The following RBFOX1 variants were observed in gnomAD, a reference collection of about 807,000 sequenced individuals.
The protein encoded by RBFOX1 is RNA binding protein fox-1 homolog 1.
A neutral mutation model predicts 57.7 loss-of-function variants in RBFOX1; 8 were observed. That is an observed-to-expected ratio of 0.14 (90% CI 0.08 to 0.25). The LOEUF is 0.25. Among genes scored for constraint, RBFOX1 ranks in the 10% least tolerant of loss-of-function variants. The pLI is 1.00. For synonymous variants in RBFOX1, 326 were observed against 222.4 expected (o/e 1.47, Z -4.15); for missense variants, 611 against 548.5 (o/e 1.11, Z -1.14).
chr16:6,179,937 G>A (rs2097049278), intron 1 of RBFOX1, among the ~76,000 whole-genome samples: 1 of 152,190 alleles, frequency 6.6e-6, no homozygotes, highest in Admixed American at 6.5e-5. Context: ...GTCATGAAAG[G>A]GTCTTGACTT....
At chr16:6,122,943 A>T (rs1339673318) in intron 1 of RBFOX1, among the ~76,000 whole-genome samples, 2 of 143,450 alleles carry the variant, frequency 1.4e-5, no homozygotes, top group Middle Eastern at 3.6e-3. Context: ...AAAATAAAAC[A>T]ATTTTTCAGC....
At chr16:6,739,766 C>T (rs964413449) in intron 3 of RBFOX1, among the ~76,000 whole-genome samples, 69 of 151,864 alleles carry the variant, frequency 4.5e-4, no homozygotes, top group African/African-American at 1.6e-3. Context: ...AGTCTCGGCT[C>T]CTCGGGAGGC....
chr16:6,041,708 G>C (rs12448620), intron 1 of RBFOX1, among the ~76,000 whole-genome samples: 1 of 151,946 alleles, frequency 6.6e-6, no homozygotes, highest in African/African-American at 2.4e-5. Flanking sequence ...CTAAGGCTTA[G>C]ATTCAGGGGA....
chr16:6,815,738 C>G (rs2089928745), intron 3 of RBFOX1, among the ~76,000 whole-genome samples: 1 of 152,092 alleles, frequency 6.6e-6, no homozygotes, highest in African/African-American at 2.4e-5. Flanking sequence ...CTCTCTGGTC[C>G]CCAGCAAAAA....
At position 7,050,061 on chromosome 16, in the gene RBFOX1, A is replaced by G. The variant is rs139137427; in HGVS notation, c.-15-1996A>G. On this transcript the variant is annotated intron_variant, in intron 3 of 15. Transcript: ENST00000550418. ...AACATTTAATTTGTTCTCTGTCTCA[A>G]TGAATTTTCCCTACTTCATCTTTTA... Among the ~76,000 whole-genome samples, 426 of 152,100 alleles carry G rather than the reference A, an allele frequency of 2.8e-3. 3 individuals carry two copies. Among genetic ancestry groups the G allele is most frequent in the African/African-American group, 9.7e-3 (401 of 41,518 alleles).
intron 3 of RBFOX1, among the ~76,000 whole-genome samples, chr16:5,808,492 C>G (rs1212412283): frequency 1.3e-5 from 2 of 152,184 alleles, no homozygotes; most frequent in African/African-American, 4.8e-5. Context: ...GGCATTGAAT[C>G]TATCAATTAC....
intron 2 of RBFOX1, among the ~76,000 whole-genome samples, chr16:6,581,285 C>G (rs1265391093): frequency 6.6e-6 from 1 of 152,174 alleles, no homozygotes; most frequent in East Asian, 1.9e-4. Flanking sequence ...GCACAGGGTT[C>G]TGTGTCTTTG....
intron 5 of RBFOX1, among the ~76,000 whole-genome samples, chr16:7,521,263 T>A (rs1267058939): frequency 6.6e-6 from 1 of 152,086 alleles, no homozygotes; most frequent in Non-Finnish European, 1.5e-5. Flanking sequence ...TGAAGGGGAT[T>A]TGGAGGTGAT....
chr16:5,875,852 T>C (rs955182970), intron 4 of RBFOX1, among the ~76,000 whole-genome samples: 5 of 152,058 alleles, frequency 3.3e-5, no homozygotes, highest in African/African-American at 1.2e-4. Flanking sequence ...CCCACTTTTT[T>C]TTTTTTTTTG....
chr16:6,185,033 G>C lies in RBFOX1; in HGVS notation c.-126-131962G>C, dbSNP rs1288477057. The stretch of plus-strand genomic sequence containing the variant: ...GAGGTGCCCATTGGATTTCCAAGGA[G>C]AGATGTCAAGGAGACAGCTCTGTGC... On this transcript the variant is annotated intron_variant, in intron 1 of 15. Coordinates refer to ENST00000550418, the MANE Select transcript of RBFOX1 (RefSeq NM_018723.4). Among the ~76,000 whole-genome samples, 3 of 152,176 alleles carry C rather than the reference G, an allele frequency of 2.0e-5. No individual in the cohort carries two copies. The East Asian group carries it at 5.8e-4, about 29-fold the overall frequency.
At position 6,369,687 on chromosome 16, in the gene RBFOX1, A is replaced by G. The variant is rs138768425; in HGVS notation, c.-64+52630A>G. ...TATACCTCATGTAAAGTTTTTCACT[A>G]TCACGCATTTTCTACACCTTCTATG... On this transcript the variant is annotated intron_variant, in intron 2 of 15. Transcript: ENST00000550418. Among the ~76,000 whole-genome samples the G allele has an allele frequency of 1.2e-4, 18 of 152,274 alleles. No individual in the cohort carries two copies. In the East Asian group the frequency reaches 3.1e-3, roughly 26 times the overall value.
At chr16:6,831,089 C>G (rs1280028211) in intron 3 of RBFOX1, among the ~76,000 whole-genome samples, 2 of 152,174 alleles carry the variant, frequency 1.3e-5, no homozygotes, top group Non-Finnish European at 2.9e-5. Flanking sequence ...TAAAGTAAAG[C>G]TGGATAGATT....
rs539992895 is a variant in RBFOX1 at position 5,877,304 on chromosome 16, T to C, written c.351+9969T>C. On this transcript the variant is annotated intron_variant, in intron 4 of 19. Coordinates refer to the RBFOX1 transcript ENST00000641259. ...TGATAGCCAGTCTTTTAGACCCTGGTAACTTAAAATGAATGAAACACTTTT... is the reference window on the plus strand; with the variant it reads ...TGATAGCCAGTCTTTTAGACCCTGGCAACTTAAAATGAATGAAACACTTTT... Among the ~76,000 whole-genome samples, 49 of 152,332 alleles carry C rather than the reference T, an allele frequency of 3.2e-4. No individual in the cohort carries two copies. In the South Asian group the frequency reaches 8.5e-3, roughly 26 times the overall value.
Position 6,559,079 on chromosome 16 carries a change from C to A in RBFOX1, c.-63-95524C>A, listed in dbSNP as rs372777155. ...TATGTCTGTATTTGGTCTCATAGTT[C>A]CTTGTACTTTTCCTCCAGTTTATAT... On this transcript the variant is annotated intron_variant, in intron 2 of 15. Coordinates refer to ENST00000550418, the MANE Select transcript of RBFOX1 (RefSeq NM_018723.4). 1.4e-4 allele frequency among the ~76,000 whole-genome samples: 21 copies of A among 151,916 alleles called. No individual in the cohort carries two copies. The East Asian group carries it at 2.9e-3, about 21-fold the overall frequency.
intron 3 of RBFOX1, among the ~76,000 whole-genome samples, chr16:5,855,194 G>T (rs2056994614): frequency 6.6e-6 from 1 of 152,064 alleles, no homozygotes; most frequent in Non-Finnish European, 1.5e-5. Flanking sequence ...TGTTCTGTTT[G>T]TTTCCTTTGC....
In RBFOX1 at chr16:7,320,664, C is replaced by G. The variant is rs530702737; in HGVS notation, c.28-197483C>G. On this transcript the variant is annotated intron_variant, in intron 4 of 15. Transcript: ENST00000550418. ...GAAACTGGGATAATTGAAGGTCAGT[C>G]GGTAGTAAGTGAATCATCATTTAAA... Among the ~76,000 whole-genome samples the G allele has an allele frequency of 7.9e-5, 12 of 152,134 alleles. 1 individual carries two copies. The highest frequency in any genetic ancestry group is 7.2e-4 in the Admixed American group (11 of 15,276).
At chr16:7,241,542 A>C (rs1247786865) in intron 4 of RBFOX1, among the ~76,000 whole-genome samples, 2 of 152,224 alleles carry the variant, frequency 1.3e-5, no homozygotes, top group Non-Finnish European at 2.9e-5. Flanking sequence ...CTTTTATGGC[A>C]GGAACTTTTA....
chr16:6,678,706 T>G (rs779748598), intron 3 of RBFOX1, among the ~76,000 whole-genome samples: 2 of 151,954 alleles, frequency 1.3e-5, no homozygotes, highest in Non-Finnish European at 2.9e-5. Flanking sequence ...TTAAGCTCTG[T>G]GTATCTCAGA....
chr16:7,693,514 G>T (rs1440842892), intron 14 of RBFOX1: 2 of 638,000 alleles, frequency 3.1e-6, no homozygotes, highest in Non-Finnish European at 5.3e-6. Context: ...TTGGAGTACA[G>T]CTGAAGCCTT....
Sources: allele counts gnomAD v4.1 joint callset (sites outside exome capture counted in the v4.1 genomes callset), GRCh38; gene constraint gnomAD v4.1.1; transcripts MANE v1.5; gene names NCBI Gene and HGNC (gene_info 2026-07-23, HGNC 2026-07-21).